Variants in SPIDR observed in about 807,000 individuals in gnomAD.
SPIDR encodes DNA repair-scaffolding protein.
SPIDR carries 93 observed loss-of-function variants against 104.6 expected under a neutral mutation model. The observed-to-expected ratio is 0.89, with a 90% CI of 0.75 to 1.06. SPIDR has a LOEUF of 1.06. Among genes scored for constraint, SPIDR ranks in the 50% least tolerant of loss-of-function variants. The probability of loss-of-function intolerance (pLI) is 0.00; values close to 1 mark genes in which losing one functional copy is unlikely to be tolerated. For missense variants in SPIDR, 1,154 were observed against 1,111.2 expected (o/e 1.04, Z -0.55); for synonymous variants, 431 against 416.9 (o/e 1.03, Z -0.41).
At chr8:47,436,265 G>A (rs890299721) in intron 7 of SPIDR, among the ~76,000 whole-genome samples, 9 of 152,276 alleles carry the variant, frequency 5.9e-5, no homozygotes, top group African/African-American at 2.2e-4. Flanking sequence ...CTTCTGGCTG[G>A]GATTCAGAAA....
rs563734435 is a variant in SPIDR, at chr8:47,511,437, C to A, written c.1097+70895C>A. 3.0e-5 allele frequency: 24 copies of A among 795,094 alleles called. No homozygotes were observed. The African/African-American group carries it at 3.7e-4, about 12-fold the overall frequency. 49.3% of individuals were successfully genotyped at this position (795,094 alleles called of 1,614,324 possible). A position where few individuals can be genotyped will look rare whatever the true frequency, so the allele number is the denominator to read the frequency against. On this transcript the variant is annotated intron_variant, in intron 8 of 19. Coordinates refer to ENST00000297423, the MANE Select transcript of SPIDR (RefSeq NM_001080394.4). The stretch of plus-strand genomic sequence containing the variant: ...TCATAAAGTCCTCGTCCTGATGTTC[C>A]TCCATATCCAAGTTCGCCTGTCCAC...
chr8:47,589,844 T>G (rs1564412228), intron 8 of SPIDR, among the ~76,000 whole-genome samples: 1 of 152,204 alleles, frequency 6.6e-6, no homozygotes. Context: ...CTCTGTTGTT[T>G]TTCTGTTCAA....
At chr8:47,640,264 G>C (rs977728443) in intron 10 of SPIDR, among the ~76,000 whole-genome samples, 3 of 152,176 alleles carry the variant, frequency 2.0e-5, no homozygotes, top group African/African-American at 7.2e-5. Flanking sequence ...CCTCTGCTCT[G>C]ATTGACAGGT....
chr8:47,727,337 G>A, intron 17 of SPIDR, 44 bp downstream of exon 17: 1 of 1,584,210 alleles, frequency 6.3e-7, no homozygotes. Context: ...AACTGAAAGG[G>A]CACAGAAGCA....
chr8:47,285,034 C>T (rs952253403), intron 3 of SPIDR, among the ~76,000 whole-genome samples: 8 of 152,162 alleles, frequency 5.3e-5, no homozygotes, highest in South Asian at 2.1e-4. Context: ...GCTAAACATT[C>T]GCAGTCTGTT....
intron 8 of SPIDR, among the ~76,000 whole-genome samples, chr8:47,533,299 G>T (rs1392760016): frequency 1.3e-5 from 2 of 152,194 alleles, no homozygotes; most frequent in South Asian, 2.1e-4. Flanking sequence ...AGAATTAAAT[G>T]TAAAATCCCA....
At chr8:47,417,439 C>G (rs2064554393) in intron 7 of SPIDR, among the ~76,000 whole-genome samples, 1 of 152,142 alleles carries the variant, frequency 6.6e-6, no homozygotes, top group Non-Finnish European at 1.5e-5. Flanking sequence ...TGAGAAGTGT[C>G]TGTTCATATC....
At chr8:47,694,469 T>G (rs972883796) in intron 11 of SPIDR, among the ~76,000 whole-genome samples, 1 of 151,700 alleles carries the variant, frequency 6.6e-6, no homozygotes, top group Admixed American at 6.6e-5. Context: ...AAGAAAAAAA[T>G]AAAAATGAAT....
chr8:47,327,391 CT>C (rs375122007), intron 5 of SPIDR, among the ~76,000 whole-genome samples: 4,589 of 132,576 alleles, frequency 0.035, 110 homozygotes, highest in East Asian at 0.13. Flanking sequence ...GGTTTTTTCA[CT>C]TTTTTTTTTT....
chr8:47,533,366 G>C lies in SPIDR; in HGVS notation c.1098-62445G>C, dbSNP rs533762244. Among the ~76,000 whole-genome samples the C allele has an allele frequency of 1.7e-4, 26 of 152,214 alleles. No homozygotes were observed. The East Asian group carries it at 4.2e-3, about 25-fold the overall frequency. On this transcript the variant is annotated intron_variant, in intron 8 of 19. Transcript: ENST00000297423. Reference sequence around the variant, plus strand: ...AGTACCATCCTCGACATAGGAATGGGCAAAGATTTCATGACAAAGACACCA... The same window carrying C: ...AGTACCATCCTCGACATAGGAATGGCCAAAGATTTCATGACAAAGACACCA...
intron 5 of SPIDR, among the ~76,000 whole-genome samples, chr8:47,336,287 C>G (rs2049725520): frequency 6.6e-6 from 1 of 152,186 alleles, no homozygotes; most frequent in Non-Finnish European, 1.5e-5. Context: ...AATTGATCCA[C>G]AAGTTTTTCT....
At chr8:47,732,171 C>T (rs986800959) in intron 19 of SPIDR, 3 of 702,544 alleles carry the variant, frequency 4.3e-6, no homozygotes, top group Non-Finnish European at 7.8e-6. Context: ...CTCCTTCCTT[C>T]ACTTGGTTTC....
intron 10 of SPIDR, among the ~76,000 whole-genome samples, chr8:47,647,558 G>C (rs2070649136): frequency 6.7e-6 from 1 of 148,944 alleles, no homozygotes; most frequent in African/African-American, 2.5e-5. Context: ...GAGGTTGCAG[G>C]AGCCGAGATT....
chr8:47,528,612 G>T (rs2085401267), intron 8 of SPIDR, among the ~76,000 whole-genome samples: 1 of 152,084 alleles, frequency 6.6e-6, no homozygotes, highest in Admixed American at 6.6e-5. Flanking sequence ...CCTTAGGAAA[G>T]ATCAAAAGGA....
chr8:47,427,322 T>C (rs1391012956), intron 7 of SPIDR, among the ~76,000 whole-genome samples: 1 of 150,638 alleles, frequency 6.6e-6, no homozygotes, highest in Non-Finnish European at 1.5e-5. Context: ...TTTTTTTAAA[T>C]ATGCCTTTTA....
At chr8:47,369,026 A>G (rs1448323234) in intron 5 of SPIDR, among the ~76,000 whole-genome samples, 1 of 152,224 alleles carries the variant, frequency 6.6e-6, no homozygotes, top group Non-Finnish European at 1.5e-5. Context: ...CGTGAGAACG[A>G]ACAAACTTTA....
chr8:47,735,923 A>C lies in SPIDR; in HGVS notation c.*473A>C, dbSNP rs1465468458. ...TAAATGTCAAACCTAAGCACTTTGC[A>C]GTTCACTACTTTTGGGAAAATGTTC... is the stretch of plus-strand genomic sequence containing the variant. On this transcript the variant is annotated 3_prime_UTR_variant, in exon 20 of 20. Coordinates refer to ENST00000297423, the MANE Select transcript of SPIDR (RefSeq NM_001080394.4). 2 of 238,236 alleles carry C rather than the reference A, an allele frequency of 8.4e-6. No individual in the cohort carries two copies. Among genetic ancestry groups the C allele is most frequent in the Non-Finnish European group, 1.7e-5 (2 of 119,620 alleles). 14.8% of individuals were successfully genotyped at this position (238,236 alleles called of 1,614,324 possible).
rs192728916 is a variant in SPIDR at position 47,552,895 on chromosome 8, G to A, written c.1098-42916G>A. On this transcript the variant is annotated intron_variant, in intron 8 of 19. Transcript: ENST00000297423. ...ATTTGGCATGTTTTTGCAGTGGCTG[G>A]TACCAGTTGTTCCTTTCCATGTTTA... Among the ~76,000 whole-genome samples the A allele has an allele frequency of 3.3e-5, 5 of 152,254 alleles. No individual in the cohort carries two copies. In the East Asian group the frequency reaches 9.6e-4, roughly 29 times the overall value.
intron 5 of SPIDR, among the ~76,000 whole-genome samples, chr8:47,301,157 A>C (rs7838548): frequency 0.03 from 4,566 of 152,124 alleles, 210 homozygotes; most frequent in African/African-American, 0.1. Flanking sequence ...TATATTTAGG[A>C]TAGTTAGCTC....
Sources: allele counts gnomAD v4.1 joint callset (sites outside exome capture counted in the v4.1 genomes callset), GRCh38; gene constraint gnomAD v4.1.1; transcripts MANE v1.5; gene names NCBI Gene and HGNC (gene_info 2026-07-23, HGNC 2026-07-21).